Variants in SMAP1 observed in about 807,000 individuals in gnomAD.
The protein encoded by SMAP1 is stromal membrane-associated protein 1.
In SMAP1, 24 loss-of-function variants were observed where a neutral mutation model predicts 58.5. The ratio of observed to expected loss-of-function variants is 0.41; its 90% CI spans 0.30 to 0.58. SMAP1 has a LOEUF of 0.58. Ranked by LOEUF, SMAP1 falls within the 20% of genes least tolerant of loss-of-function variation. SMAP1 has a pLI of 0.29. For missense variants in SMAP1, 563 were observed against 566.3 expected, an observed-to-expected ratio of 0.99 and a Z score of 0.06; for synonymous variants, 216 against 196.6, an observed-to-expected ratio of 1.10 and a Z score of -0.82.
rs374293418 is a variant in SMAP1 at position 70,823,106 on chromosome 6, A to C, written c.577-13835A>C. Among the ~76,000 whole-genome samples the C allele has an allele frequency of 2.2e-4, 34 of 152,330 alleles. 1 individual carries two copies. In the East Asian group the frequency reaches 4.0e-3, roughly 18 times the overall value. ...TTTAAATTCATGGTCTGATAATTCC[A>C]ACATATCTGCCATAATTGAGTATGG... On this transcript the variant is annotated intron_variant, in intron 6 of 10. Transcript: ENST00000370455.
chr6:70,852,771 A>G, intron 8 of SMAP1, 107 bp downstream of exon 8: 1 of 1,279,770 alleles, frequency 7.8e-7, no homozygotes, highest in Non-Finnish European at 1.0e-6. Context: ...ACTGATTTAA[A>G]AGTCTCCTGT....
At chr6:70,674,272 C>T (rs1581976997) in intron 1 of SMAP1, among the ~76,000 whole-genome samples, 2 of 151,990 alleles carry the variant, frequency 1.3e-5, no homozygotes, top group African/African-American at 4.8e-5. Flanking sequence ...GCGACCATGC[C>T]TACCTAATTT....
intron 2 of SMAP1, among the ~76,000 whole-genome samples, chr6:70,752,644 T>G (rs1356644730): frequency 6.6e-6 from 1 of 152,046 alleles, no homozygotes; most frequent in African/African-American, 2.4e-5. Flanking sequence ...CTTTATCGCC[T>G]CCCCAAAACA....
At chr6:70,711,589 G>A (rs554349150) in intron 1 of SMAP1, among the ~76,000 whole-genome samples, 3 of 150,652 alleles carry the variant, frequency 2.0e-5, no homozygotes, top group South Asian at 2.1e-4. Context: ...GTGCATTGGC[G>A]CGATCTCTGC....
chr6:70,859,449 T>A, intron 10 of SMAP1: 1 of 1,315,106 alleles, frequency 7.6e-7, no homozygotes, highest in Non-Finnish European at 1.1e-6. Context: ...TTCAGACACT[T>A]ATGCCTGATT....
intron 6 of SMAP1, 149 bp downstream of exon 6, chr6:70,798,886 C>CA: frequency 1.6e-6 from 1 of 632,316 alleles, no homozygotes; most frequent in Non-Finnish European, 2.6e-6. Context: ...CTCAGCATGT[C>CA]CTTCTAGCTT....
chr6:70,716,189 A>G (rs867428683), intron 1 of SMAP1, among the ~76,000 whole-genome samples: 14 of 152,124 alleles, frequency 9.2e-5, no homozygotes, highest in African/African-American at 2.2e-4. Flanking sequence ...ACATGCATGT[A>G]TTGTGCACTT....
chr6:70,837,801 GA>G, intron 7 of SMAP1: 2 of 1,245,508 alleles, frequency 1.6e-6, no homozygotes, highest in Admixed American at 2.6e-5. Flanking sequence ...GATTGAGAAG[GA>G]AAAGAGTGAA....
intron 6 of SMAP1, among the ~76,000 whole-genome samples, chr6:70,809,114 T>A (rs1769277570): frequency 6.6e-6 from 1 of 152,056 alleles, no homozygotes; most frequent in Non-Finnish European, 1.5e-5. Context: ...TAAGAGAAAA[T>A]CAATTCACAA....
chr6:70,807,983 T>C (rs1030053074), intron 6 of SMAP1, among the ~76,000 whole-genome samples: 3 of 151,106 alleles, frequency 2.0e-5, no homozygotes, highest in African/African-American at 7.3e-5. Flanking sequence ...TTATATATTA[T>C]ATATAAGAAT....
intron 2 of SMAP1, among the ~76,000 whole-genome samples, chr6:70,748,567 A>G (rs186151206): frequency 2.8e-4 from 42 of 152,146 alleles, no homozygotes; most frequent in Middle Eastern, 3.4e-3. Flanking sequence ...TTTTTGATTT[A>G]TGAGAAGACT....
intron 4 of SMAP1, among the ~76,000 whole-genome samples, chr6:70,782,879 C>T (rs1767820798): frequency 6.6e-6 from 1 of 152,186 alleles, no homozygotes; most frequent in Non-Finnish European, 1.5e-5. Flanking sequence ...AGCTCCCAGC[C>T]TGAGTGACGG....
chr6:70,679,917 C>A (rs570946893), intron 1 of SMAP1, among the ~76,000 whole-genome samples: 3 of 152,216 alleles, frequency 2.0e-5, no homozygotes, highest in African/African-American at 7.2e-5. Flanking sequence ...AAGGGACCTT[C>A]CAAAATCAAA....
rs748154609 is a variant in SMAP1, at chr6:70,861,799, C to T, written c.*1465C>T. 94 of 1,613,968 alleles carry T rather than the reference C, an allele frequency of 5.8e-5. 1 individual carries two copies. The South Asian group carries it at 7.7e-4, about 13-fold the overall frequency. Reference sequence around the variant, plus strand: ...GTAGCGCACTCTTCATGGTGACACTCGAGGTCGGGCAGCACAAGTGTAATG... The same window carrying T: ...GTAGCGCACTCTTCATGGTGACACTTGAGGTCGGGCAGCACAAGTGTAATG... On this transcript the variant is annotated 3_prime_UTR_variant, in exon 11 of 11. Coordinates refer to ENST00000370455, the MANE Select transcript of SMAP1 (RefSeq NM_001044305.3).
chr6:70,688,519 C>T (rs950724862), intron 1 of SMAP1, among the ~76,000 whole-genome samples: 4 of 152,126 alleles, frequency 2.6e-5, no homozygotes, highest in African/African-American at 7.2e-5. Flanking sequence ...GTGATATTGG[C>T]TTCAATTTGG....
At position 70,860,188 on chromosome 6, in the gene SMAP1, T is replaced by TATG. The variant is rs1484838349; in HGVS notation, c.1270-11_1270-9dup. 2 of 1,599,002 alleles carry TATG rather than the reference T, an allele frequency of 1.3e-6. No individual in the cohort carries two copies. The highest frequency in any genetic ancestry group is 1.7e-6 in the Non-Finnish European group (2 of 1,174,148). ...TAAGCCTCTTGAACTAAGCCTTTTA[T>TATG]ATGTTTCACAGATGAATCAGCAGAT... On this transcript the variant is annotated splice_polypyrimidine_tract_variant and intron_variant, in intron 10 of 10. Transcript: ENST00000370455.
chr6:70,746,249 C>G (rs1465222882), intron 2 of SMAP1, among the ~76,000 whole-genome samples: 1 of 152,144 alleles, frequency 6.6e-6, no homozygotes, highest in Admixed American at 6.5e-5. Context: ...TTGTCTTGTG[C>G]CAGTTTTCAC....
At chr6:70,808,438 T>C (rs1468089554) in intron 6 of SMAP1, among the ~76,000 whole-genome samples, 1 of 151,486 alleles carries the variant, frequency 6.6e-6, no homozygotes, top group Non-Finnish European at 1.5e-5. Flanking sequence ...TAAAAACAGA[T>C]AGCCCAATTT....
At chr6:70,761,921 A>C (rs2149897634) in intron 3 of SMAP1, among the ~76,000 whole-genome samples, 1 of 152,150 alleles carries the variant, frequency 6.6e-6, no homozygotes, top group Non-Finnish European at 1.5e-5. Context: ...ACTCTTGTCA[A>C]CCTTGTGAGG....
Sources: gnomAD v4.1 joint callset for allele counts (sites outside exome capture counted in the v4.1 genomes callset) on GRCh38, gnomAD v4.1.1 for gene constraint, MANE v1.5 for transcripts, NCBI Gene and HGNC (gene_info 2026-07-23, HGNC 2026-07-21) for gene names.